Variants in NUP210 observed in about 807,000 individuals in gnomAD.
NUP210 encodes nuclear pore membrane glycoprotein 210.
NUP210 carries 151 observed loss-of-function variants against 196.0 expected under a neutral mutation model. That is an observed-to-expected ratio of 0.77 (90% confidence interval 0.67 to 0.88). The LOEUF is 0.88. NUP210 is among the 40% of genes least tolerant of loss of function. NUP210 has a pLI of 0.00. For missense variants in NUP210, 2,314 were observed against 2,493.7 expected, an observed-to-expected ratio of 0.93 and a Z score of 1.53; for synonymous variants, 1,070 against 1,052.7, an observed-to-expected ratio of 1.02 and a Z score of -0.32.
chr3:13,367,521 C>T (rs1341387441), intron 13 of NUP210, among the ~76,000 whole-genome samples: 1 of 152,134 alleles, frequency 6.6e-6, no homozygotes, highest in Non-Finnish European at 1.5e-5. Flanking sequence ...ATATGCAGCA[C>T]CCACATCAAC....
At chr3:13,372,832 C>T (rs909812208) in intron 12 of NUP210, among the ~76,000 whole-genome samples, 6 of 152,174 alleles carry the variant, frequency 3.9e-5, no homozygotes, top group Non-Finnish European at 5.9e-5. Context: ...CCAGAACGCA[C>T]GCTGCCTCCT....
intron 14 of NUP210, among the ~76,000 whole-genome samples, chr3:13,363,604 A>G (rs1030025741): frequency 6.6e-6 from 1 of 152,206 alleles, no homozygotes; most frequent in Admixed American, 6.5e-5. Context: ...TCAAAGCCCA[A>G]ATATTCCAAA....
rs1393864284 is a variant in NUP210 at position 13,375,588 on chromosome 3, T to G, written c.1347A>C (p.Glu449Asp). ...QVPVWNQQEV[E>D]IHIPITLYPS... ...GATACAGGGTGATCGGGATGTGAAT[T>G]TCCACCTCCTGCTGGTTCCACACAG... Residue 449 changes from glutamate (E) to aspartate (D), a missense_variant, in exon 11 of 40, where the codon GAA becomes GAC. Glu to Asp is a conservative substitution (Grantham distance 45, BLOSUM62 2). Coordinates refer to ENST00000254508, the MANE Select transcript of NUP210 (RefSeq NM_024923.4). The G allele has an allele frequency of 1.2e-6, 2 of 1,614,104 alleles. No homozygotes were observed. Among genetic ancestry groups the G allele is most frequent in the Non-Finnish European group, 1.7e-6 (2 of 1,179,990 alleles).
chr3:13,375,576 C>A lies in NUP210; in HGVS notation c.1359G>T (p.Pro453=), dbSNP rs182823509. Residue 453 remains proline (P), a synonymous_variant, in exon 11 of 40, where the codon CCG becomes CCT. Coordinates refer to ENST00000254508, the MANE Select transcript of NUP210 (RefSeq NM_024923.4). ...TCAAGATGCTGGGATACAGGGTGAT[C>A]GGGATGTGAATTTCCACCTCCTGCT... ...WNQQEVEIHI[P]ITLYPSILTF... is the part of the protein sequence containing the mutation. 1.9e-6 allele frequency: 3 copies of A among 1,613,932 alleles called. No individual in the cohort carries two copies. Among genetic ancestry groups the A allele is most frequent in the Non-Finnish European group, 2.5e-6 (3 of 1,179,996 alleles).
rs1418646269 is a variant in NUP210 at position 13,353,627 on chromosome 3, C to T, written c.2555G>A (p.Gly852Glu). 5 of 1,614,136 alleles carry T rather than the reference C, an allele frequency of 3.1e-6. No individual in the cohort carries two copies. In the South Asian group the frequency reaches 5.5e-5, roughly 18 times the overall value. The change falls in exon 18 of 40, where the codon GGA (glycine) becomes GAA (glutamate). Residue 852 changes from glycine (G) to glutamate (E), a missense_variant. Physicochemically the swap from Gly to Glu is moderately conservative, Grantham distance 98. Transcript: ENST00000254508. The stretch of plus-strand genomic sequence containing the variant: ...GGCAGTGGCAGTGATGGCTGTGGTT[C>T]CTGATGCCTCGTGAACCAAAATGGC... Reference protein sequence around the residue: ...LQAILVHEASGTTAITATATG... With the variant: ...LQAILVHEASETTAITATATG...
chr3:13,340,092 C>A lies in NUP210; in HGVS notation c.3292-59G>T. On this transcript the variant is annotated intron_variant, in intron 24 of 39. Coordinates refer to ENST00000254508, the MANE Select transcript of NUP210 (RefSeq NM_024923.4). This position sits in a 1 kb window ranked among gnomAD's most constrained non-coding sequence, Gnocchi z 4.0. ...CCGTCATGCCAGGCAGCCCGCACCT[C>A]CCACTCAGAGAGCCAGGGCCCCAGT... is the stretch of plus-strand genomic sequence containing the variant. 6.2e-7 allele frequency: 1 copy of A among 1,602,496 alleles called. No individual in the cohort carries two copies. Among genetic ancestry groups the A allele is most frequent in the Non-Finnish European group, 8.5e-7 (1 of 1,172,212 alleles).
Position 13,335,603 on chromosome 3 carries a change from G to A in NUP210, c.3694C>T (p.Arg1232Ter), listed in dbSNP as rs755824629. 1.1e-5 allele frequency: 18 copies of A among 1,614,010 alleles called. No homozygotes were observed. The highest frequency in any genetic ancestry group is 1.4e-5 in the Non-Finnish European group (17 of 1,179,986). The change falls in exon 28 of 40, where the codon CGA becomes TGA. Residue 1232 changes from arginine (R) to a stop codon, truncating the protein, a stop_gained. Transcript: ENST00000254508. LOFTEE classifies it high-confidence loss of function. The part of the protein sequence containing the change: ...LRGRHHEASI[R>*]LPSQYNFAMN... ...GCAAAGTTGTACTGTGACGGGAGTC[G>A]GATCGACGCCTGGGAAGACATCAAA...
rs1331987032 is a variant in NUP210, at chr3:13,341,883, C to A, written c.3093G>T (p.Val1031=). The A allele has an allele frequency of 1.9e-6, 3 of 1,613,998 alleles. No individual in the cohort carries two copies. Among genetic ancestry groups the A allele is most frequent in the African/African-American group, 2.7e-5 (2 of 74,898 alleles). ...AGTTGTCAAGGGCTTCATCAAGGGC[C>A]CTGAAACAGAGGGAAGGGCTGGGAC... ...LRAASPIITL[V]ALDEALDNYT... The change falls in exon 23 of 40, where the codon GTG becomes GTT. Residue 1031 remains valine (V), a splice_region_variant and synonymous_variant. Coordinates refer to ENST00000254508, the MANE Select transcript of NUP210 (RefSeq NM_024923.4).
chr3:13,374,455 C>T (rs1327022021), intron 11 of NUP210, among the ~76,000 whole-genome samples: 1 of 152,162 alleles, frequency 6.6e-6, no homozygotes, highest in Non-Finnish European at 1.5e-5. Context: ...AGGTCGATGC[C>T]CACAGCAGGG....
chr3:13,387,914 A>C (rs968580773), intron 5 of NUP210, among the ~76,000 whole-genome samples: 1 of 152,098 alleles, frequency 6.6e-6, no homozygotes, highest in African/African-American at 2.4e-5. Context: ...AAGGAGAGAC[A>C]GCATAGAAGA....
chr3:13,358,572 T>G (rs1434934022), intron 15 of NUP210, among the ~76,000 whole-genome samples, 177 bp from the exon 16 acceptor site: 2 of 152,224 alleles, frequency 1.3e-5, no homozygotes, highest in East Asian at 3.9e-4. Flanking sequence ...CAGGTGGGAA[T>G]GCACTTTCTC....
In NUP210 at chr3:13,388,402, C is replaced by T. The variant is rs1294732640; in HGVS notation, c.585G>A (p.Glu195=). ...CCCCTTGCTTGGCAGCCTTCTCCAT[C>T]TCTGAGATGTAAGAAGGAGGGATGT... ...STYIPPSYIS[E]MEKAAKQGDT... Residue 195 remains glutamate (E), a synonymous_variant, in exon 5 of 40, where the codon GAG becomes GAA. Coordinates refer to ENST00000254508, the MANE Select transcript of NUP210 (RefSeq NM_024923.4). 2.4e-5 allele frequency: 39 copies of T among 1,612,492 alleles called. No individual in the cohort carries two copies. Among genetic ancestry groups the T allele is most frequent in the Non-Finnish European group, 3.1e-5 (37 of 1,179,330 alleles).
rs548431600 is a variant in NUP210, at chr3:13,319,286, T to C, written c.5423A>G (p.Gln1808Arg). The C allele has an allele frequency of 2.2e-4, 348 of 1,612,932 alleles. 5 individuals carry two copies. The South Asian group carries it at 3.5e-3, about 16-fold the overall frequency. ...GGCGAAGAGCGTGAAGAACATGACCTGGTAGGAATCCAGGAAGTGCTGGAA... is the reference window on the plus strand; with the variant it reads ...GGCGAAGAGCGTGAAGAACATGACCCGGTAGGAATCCAGGAAGTGCTGGAA... ...SLFQHFLDSYQVMFFTLFALL... is the reference protein window; with the variant it reads ...SLFQHFLDSYRVMFFTLFALL... The change falls in exon 38 of 40, where the codon CAG becomes CGG. Residue 1808 changes from glutamine (Q) to arginine (R), a missense_variant. By Grantham distance (43) the Gln-to-Arg change is conservative (BLOSUM62 1). Transcript: ENST00000254508.
rs189449448 is a variant in NUP210, at chr3:13,332,722, A to C, written c.3844-338T>G. 5.3e-3 allele frequency among the ~76,000 whole-genome samples: 587 copies of C among 110,478 alleles called. 5 individuals carry two copies. The highest frequency in any genetic ancestry group is 0.022 in the African/African-American group (572 of 25,828). The allele number at this position is 110,478 out of a possible 152,430, so 72.5% of individuals were successfully genotyped here. On this transcript the variant is annotated intron_variant, in intron 28 of 39. Coordinates refer to ENST00000254508, the MANE Select transcript of NUP210 (RefSeq NM_024923.4). Reference sequence around the variant, plus strand: ...AGTCTGAGCAACAGAGCAAGACCCTATCTCACACACACACACACACATGGC... The same window carrying C: ...AGTCTGAGCAACAGAGCAAGACCCTCTCTCACACACACACACACACATGGC...
chr3:13,404,580 A>G (rs1021036951), intron 1 of NUP210, among the ~76,000 whole-genome samples: 2 of 152,206 alleles, frequency 1.3e-5, no homozygotes, highest in African/African-American at 4.8e-5. Context: ...CAGATCGGTA[A>G]ACTGAGGCTT....
At position 13,350,732 on chromosome 3, in the gene NUP210, C is replaced by T. The variant is rs1205232534; in HGVS notation, c.2835+1147G>A. On this transcript the variant is annotated intron_variant, in intron 20 of 39. Coordinates refer to ENST00000254508, the MANE Select transcript of NUP210 (RefSeq NM_024923.4). The surrounding 1 kb of genome is among the most constrained non-coding windows in gnomAD (Gnocchi z 4.1). ...TTTTTGAGATGGAGTCTCGCCCCGT[C>T]GCCCAGGCTGGAGTGCAGTGGCGCA... is the stretch of plus-strand genomic sequence containing the variant. Among the ~76,000 whole-genome samples the T allele has an allele frequency of 3.4e-5, 5 of 145,726 alleles. No individual in the cohort carries two copies. Among genetic ancestry groups the T allele is most frequent in the Non-Finnish European group, 3.0e-5 (2 of 67,038 alleles).
chr3:13,334,414 ATGTGTGTCGTG>A (rs2124848887), intron 28 of NUP210, among the ~76,000 whole-genome samples: 2 of 151,986 alleles, frequency 1.3e-5, no homozygotes, highest in South Asian at 4.2e-4. Flanking sequence ...CTGTGTGTGC[ATGTGTGTCGTG>A]TGTGTGTGCA....
At chr3:13,357,271 G>A (rs1161291094) in intron 16 of NUP210, among the ~76,000 whole-genome samples, 4 of 152,218 alleles carry the variant, frequency 2.6e-5, no homozygotes, top group African/African-American at 9.6e-5. Flanking sequence ...GTTCCACAGC[G>A]TTAGATAGCG....
chr3:13,418,948 C>CAAAAAAAAAAAAAAA (rs112826426), intron 1 of NUP210, among the ~76,000 whole-genome samples: 18 of 52,462 alleles, frequency 3.4e-4, no homozygotes, highest in South Asian at 8.4e-4. Context: ...AACTCCGTCT[C>CAAAAAAAAAAAAAAA]AAAAAAAAAA....
Sources: gnomAD v4.1 joint callset for allele counts (sites outside exome capture counted in the v4.1 genomes callset) on GRCh38, gnomAD v4.1.1 for gene constraint, Gnocchi (gnomAD v3.1) non-coding constraint, MANE v1.5 for transcripts, NCBI Gene and HGNC (gene_info 2026-07-23, HGNC 2026-07-21) for gene names.